Variants in HDAC9 observed in about 807,000 individuals in gnomAD.
HDAC9 encodes the protein MEF-2 interacting transcription repressor (MITR) protein.
A neutral mutation model predicts 139.4 loss-of-function variants in HDAC9; 41 were observed. That is an observed-to-expected ratio of 0.29 (90% CI 0.23 to 0.38). The LOEUF is 0.38. Among genes scored for constraint, HDAC9 ranks in the 10% least tolerant of loss-of-function variants. The pLI is 1.00. For synonymous variants in HDAC9, 517 were observed against 476.2 expected, an observed-to-expected ratio of 1.09 and a Z score of -1.12; for missense variants, 1,147 against 1,297.0, an observed-to-expected ratio of 0.88 and a Z score of 1.78.
chr7:18,578,297 C>T (rs943531306), intron 2 of HDAC9: 8 of 505,532 alleles, frequency 1.6e-5, no homozygotes, highest in Middle Eastern at 3.2e-4. Context: ...GCCTGCTATT[C>T]GTAACGACCC....
chr7:18,294,134 A>G (rs1438408296), intron 1 of HDAC9, among the ~76,000 whole-genome samples: 1 of 152,096 alleles, frequency 6.6e-6, no homozygotes, highest in Non-Finnish European at 1.5e-5. Context: ...CAGAAAATTC[A>G]CAGGTTTGGG....
chr7:18,106,355 C>G (rs1032945545), intron 1 of HDAC9, among the ~76,000 whole-genome samples: 3 of 152,148 alleles, frequency 2.0e-5, no homozygotes, highest in African/African-American at 7.2e-5. Flanking sequence ...CTTTCCATAT[C>G]CATTGCCTGT....
intron 2 of HDAC9, among the ~76,000 whole-genome samples, chr7:18,259,636 A>T (rs563446337): frequency 2.4e-4 from 36 of 152,326 alleles, no homozygotes; most frequent in African/African-American, 8.2e-4. Context: ...AAGTACTGAG[A>T]TTACAGGCGT....
At chr7:18,637,956 A>G (rs372862963) in intron 8 of HDAC9, among the ~76,000 whole-genome samples, 2 of 152,122 alleles carry the variant, frequency 1.3e-5, no homozygotes, top group Non-Finnish European at 2.9e-5. Flanking sequence ...TTGAGTAACC[A>G]TCATTTAGAA....
chr7:18,996,117 CA>C lies in HDAC9; in HGVS notation c.*56del, dbSNP rs1314392139. The C allele has an allele frequency of 7.6e-6, 10 of 1,310,220 alleles. No individual in the cohort carries two copies. Among genetic ancestry groups the C allele is most frequent in the Non-Finnish European group, 1.1e-5 (10 of 921,580 alleles). The allele number at this position is 1,310,220 out of a possible 1,614,324, so 81.2% of individuals were successfully genotyped here. Reference sequence around the variant, plus strand: ...TGTGTGACATCATTGTGTATCCCCCCACCCCAGTACCCTCAGACATGTCTTG... The same window carrying C: ...TGTGTGACATCATTGTGTATCCCCCCCCCCAGTACCCTCAGACATGTCTTG... On this transcript the variant is annotated 3_prime_UTR_variant, in exon 26 of 26. Transcript: ENST00000686413.
intron 25 of HDAC9, among the ~76,000 whole-genome samples, chr7:18,985,650 C>G (rs1346157129): frequency 6.8e-6 from 1 of 146,004 alleles, no homozygotes; most frequent in Non-Finnish European, 1.5e-5. Context: ...GCCACACTGA[C>G]TTCCACAATG....
At chr7:18,246,366 T>C (rs1194714451) in intron 2 of HDAC9, among the ~76,000 whole-genome samples, 2 of 151,846 alleles carry the variant, frequency 1.3e-5, no homozygotes, top group African/African-American at 2.4e-5. Flanking sequence ...AAAATACACA[T>C]AACAAAGTTT....
chr7:18,621,922 T>C (rs1456863737), intron 6 of HDAC9, among the ~76,000 whole-genome samples: 1 of 152,214 alleles, frequency 6.6e-6, no homozygotes, highest in African/African-American at 2.4e-5. Context: ...TAGTGATTAC[T>C]GATTTGAACA....
intron 2 of HDAC9, among the ~76,000 whole-genome samples, chr7:18,516,994 G>T (rs1446191452): frequency 6.6e-6 from 1 of 151,856 alleles, no homozygotes; most frequent in African/African-American, 2.4e-5. Flanking sequence ...CTGATTTTAG[G>T]CTTCTTTTTC....
At chr7:18,392,919 C>CA (rs773532939) in intron 1 of HDAC9, among the ~76,000 whole-genome samples, 8,191 of 41,608 alleles carry the variant, frequency 0.2, 751 homozygotes, top group Non-Finnish European at 0.33. Flanking sequence ...CCATGACTGG[C>CA]AAAAAAAAAA....
rs893057720 is a variant in HDAC9, at chr7:18,495,782, A to G, written c.-283A>G. On this transcript the variant is annotated 5_prime_UTR_variant, in exon 1 of 26. Coordinates refer to ENST00000686413, the MANE Select transcript of HDAC9 (RefSeq NM_178425.4). ...GCACAGACACAGATAGGAGAAGGGC[A>G]CCGGCTGGAGCCACTTGCAGGACTG... The G allele has an allele frequency of 2.0e-6, 2 of 997,322 alleles. No homozygotes were observed. The highest frequency in any genetic ancestry group is 3.5e-5 in the African/African-American group (2 of 57,722). 61.8% of individuals were successfully genotyped at this position (997,322 alleles called of 1,614,324 possible). A position where few individuals can be genotyped will look rare whatever the true frequency, so the allele number is the denominator to read the frequency against.
intron 1 of HDAC9, among the ~76,000 whole-genome samples, chr7:18,408,987 C>T (rs891392222): frequency 3.3e-5 from 5 of 152,150 alleles, no homozygotes; most frequent in African/African-American, 1.2e-4. Flanking sequence ...TTTTAGACTT[C>T]CACATTTTCC....
At chr7:18,335,487 G>A (rs532838928) in intron 1 of HDAC9, among the ~76,000 whole-genome samples, 1 of 151,574 alleles carries the variant, frequency 6.6e-6, no homozygotes, top group Admixed American at 6.6e-5. Context: ...TCTTATCTTA[G>A]TGCAAGTCTG....
intron 1 of HDAC9, among the ~76,000 whole-genome samples, chr7:18,136,651 C>T (rs1379998193): frequency 6.6e-6 from 1 of 152,058 alleles, no homozygotes; most frequent in East Asian, 1.9e-4. Context: ...CTGTTGTGTT[C>T]CATTGATCTA....
chr7:18,273,023 CTCCTCT>C (rs1366651107), intron 2 of HDAC9, among the ~76,000 whole-genome samples: 2 of 143,454 alleles, frequency 1.4e-5, no homozygotes, highest in Admixed American at 6.9e-5. Context: ...CCTCCTCCTC[CTCCTCT>C]TCCTCTTCCC....
intron 1 of HDAC9, among the ~76,000 whole-genome samples, chr7:18,294,237 G>A (rs1180922013): frequency 1.3e-5 from 2 of 152,070 alleles, no homozygotes; most frequent in Non-Finnish European, 2.9e-5. Context: ...GAGGGTGTGT[G>A]TGTATGGATA....
chr7:18,524,863 TACAC>T (rs57123600), intron 2 of HDAC9, among the ~76,000 whole-genome samples: 5,864 of 127,630 alleles, frequency 0.046, 145 homozygotes, highest in South Asian at 0.087. Flanking sequence ...CTTAGTGACA[TACAC>T]ACACACACAC....
intron 2 of HDAC9, among the ~76,000 whole-genome samples, chr7:18,516,387 A>T (rs553751406): frequency 3.3e-5 from 5 of 152,304 alleles, no homozygotes; most frequent in African/African-American, 1.2e-4. Context: ...TATGTTCTGG[A>T]TAGCTGGTGT....
At chr7:18,127,485 C>T (rs113228577) in intron 1 of HDAC9, among the ~76,000 whole-genome samples, 8 of 152,144 alleles carry the variant, frequency 5.3e-5, no homozygotes, top group African/African-American at 1.9e-4. Flanking sequence ...TTATTAACCC[C>T]ATTCTTTGCT....
Sources: gnomAD v4.1 joint callset for allele counts (sites outside exome capture counted in the v4.1 genomes callset) on GRCh38, gnomAD v4.1.1 for gene constraint, MANE v1.5 for transcripts, NCBI Gene and HGNC (gene_info 2026-07-23, HGNC 2026-07-21) for gene names.